Variants in TNS4 observed in about 807,000 individuals in gnomAD.
TNS4 encodes tensin 4.
A neutral mutation model predicts 70.4 loss-of-function variants in TNS4; 46 were observed. That is an observed-to-expected ratio of 0.65 (90% CI 0.52 to 0.84). TNS4 has a LOEUF of 0.84. Ranked by LOEUF, TNS4 falls within the 40% of genes least tolerant of loss-of-function variation. The probability of loss-of-function intolerance (pLI) is 0.00; values close to 1 mark genes in which losing one functional copy is unlikely to be tolerated. For missense variants in TNS4, 863 were observed against 907.0 expected (o/e 0.95, Z 0.62); for synonymous variants, 390 against 366.6 (o/e 1.06, Z -0.73).
At position 40,496,334 on chromosome 17, in the gene TNS4, G is replaced by T. The variant is rs774211285; in HGVS notation, c.92C>A (p.Ala31Glu). Residue 31 changes from alanine (A) to glutamate (E), a missense_variant, in exon 2 of 13, where the codon GCA becomes GAA. Coordinates refer to ENST00000254051, the MANE Select transcript of TNS4 (RefSeq NM_032865.6). ...CDEPRRTLHPAPSPSLPPQCS... is the reference protein window; with the variant it reads ...CDEPRRTLHPEPSPSLPPQCS... Reference sequence around the variant, plus strand: ...CTGGGGTGGCAGGCTGGGGCTGGGTGCTGGGTGCAGGGTCCTCCTGGGCTC... The same window carrying T: ...CTGGGGTGGCAGGCTGGGGCTGGGTTCTGGGTGCAGGGTCCTCCTGGGCTC... 3 of 1,613,612 alleles carry T rather than the reference G, an allele frequency of 1.9e-6. No homozygotes were observed. The highest frequency in any genetic ancestry group is 8.5e-7 in the Non-Finnish European group (1 of 1,179,886).
At chr17:40,486,378 C>T (rs989077530) in intron 4 of TNS4, among the ~76,000 whole-genome samples, 2 of 152,144 alleles carry the variant, frequency 1.3e-5, no homozygotes, top group South Asian at 4.2e-4. Flanking sequence ...TGGTTCTGTC[C>T]TCTCTCCTCC....
chr17:40,490,990 TG>T (rs1245315536), intron 2 of TNS4, among the ~76,000 whole-genome samples: 1 of 152,026 alleles, frequency 6.6e-6, no homozygotes, highest in Non-Finnish European at 1.5e-5. Flanking sequence ...CTGGCTAAGG[TG>T]GGGATCTCTC....
rs2035999057 is a variant in TNS4 at position 40,487,106 on chromosome 17, G to A, written c.1218C>T (p.Ser406=). The A allele has an allele frequency of 6.2e-7, 1 of 1,614,116 alleles. No homozygotes were observed. Among genetic ancestry groups the A allele is most frequent in the Admixed American group, 1.7e-5 (1 of 60,010 alleles). The change falls in exon 4 of 13, where the codon AGC becomes AGT. Residue 406 remains serine, a synonymous_variant. Transcript: ENST00000254051. Reference sequence around the variant, plus strand: ...TGCTCCTGGTGGCTGGACAGGGGTTGCTGGGAGAAGCAGCTCCAGGTTGAA... The same window carrying A: ...TGCTCCTGGTGGCTGGACAGGGGTTACTGGGAGAAGCAGCTCCAGGTTGAA... ...NSVQPGAASP[S]NPCPATRSNS... is the part of the protein sequence containing the mutation.
intron 6 of TNS4, 90 bp downstream of exon 6, chr17:40,484,394 C>T: frequency 6.4e-7 from 1 of 1,551,270 alleles, no homozygotes. Context: ...GCCATGTCAC[C>T]CTGAAAGCTA....
rs1262354739 is a variant in TNS4 at position 40,475,947 on chromosome 17, C to G, written c.*1641G>C. ...GCCTGTGACCTTGAGAACCTCATCT[C>G]ACATTCTGCAGACTTTGGCGGCGGG... On this transcript the variant is annotated 3_prime_UTR_variant, in exon 13 of 13. Coordinates refer to ENST00000254051, the MANE Select transcript of TNS4 (RefSeq NM_032865.6). 6.6e-6 allele frequency: 1 copy of G among 152,316 alleles called. No homozygotes were observed. The allele number at this position is 152,316 out of a possible 1,614,324, so 9.4% of individuals were successfully genotyped here. A position where few individuals can be genotyped will look rare whatever the true frequency, so the allele number is the denominator to read the frequency against.
intron 8 of TNS4, 79 bp downstream of exon 8, chr17:40,482,050 A>G: frequency 1.3e-6 from 2 of 1,501,326 alleles, no homozygotes; most frequent in Admixed American, 1.8e-5. Flanking sequence ...TCCACCAACA[A>G]GGTAGGAGTG....
intron 1 of TNS4, 105 bp from the exon 2 acceptor site, chr17:40,496,625 T>G: frequency 1.7e-6 from 1 of 592,968 alleles, no homozygotes; most frequent in Non-Finnish European, 2.8e-6. Flanking sequence ...AAAGCATGGA[T>G]GCTGGAGCCA....
At position 40,492,185 on chromosome 17, in the gene TNS4, T is replaced by C. The variant is rs531641275; in HGVS notation, c.440-3216A>G. On this transcript the variant is annotated intron_variant, in intron 2 of 12. Coordinates refer to ENST00000254051, the MANE Select transcript of TNS4 (RefSeq NM_032865.6). Reference sequence around the variant, plus strand: ...CCCCAGAGGGCAGAAGACTAGACTTTAGAAAGAGAGAAAGGACAGTGGCCT... The same window carrying C: ...CCCCAGAGGGCAGAAGACTAGACTTCAGAAAGAGAGAAAGGACAGTGGCCT... Among the ~76,000 whole-genome samples, 73 of 152,202 alleles carry C rather than the reference T, an allele frequency of 4.8e-4. 2 individuals are homozygous for C. In the South Asian group the frequency reaches 0.015, roughly 32 times the overall value.
Position 40,477,806 on chromosome 17 carries a change from G to A in TNS4, c.2007-77C>T, listed in dbSNP as rs1597686043. On this transcript the variant is annotated intron_variant, in intron 12 of 12. Transcript: ENST00000254051. ...GCTGGTGGGAATGGGGTGGTGGGGG[G>A]CCCTCAGCCTGCATCTCATTCCTCC... The A allele has an allele frequency of 3.6e-6, 5 of 1,387,038 alleles. No individual in the cohort carries two copies. The South Asian group carries it at 3.7e-5, about 10-fold the overall frequency. 85.9% of individuals were successfully genotyped at this position (1,387,038 alleles called of 1,614,324 possible).
At chr17:40,477,834 G>T (rs908860615) in intron 12 of TNS4, 105 bp from the exon 13 acceptor site, 2 of 1,110,292 alleles carry the variant, frequency 1.8e-6, no homozygotes, top group Non-Finnish European at 2.7e-6. Context: ...ATTCCTCCCT[G>T]CCCCTCCCTT....
intron 1 of TNS4, among the ~76,000 whole-genome samples, chr17:40,497,229 C>T (rs554026538): frequency 6.6e-5 from 10 of 152,068 alleles, no homozygotes; most frequent in South Asian, 2.1e-4. Flanking sequence ...GGAAGGGACA[C>T]GCAAAGGGAG....
chr17:40,486,954 T>C (rs1488178550), intron 4 of TNS4, 82 bp downstream of exon 4: 3 of 1,534,372 alleles, frequency 2.0e-6, no homozygotes, highest in South Asian at 1.2e-5. Context: ...ATAAATGTGT[T>C]GACTGGCTGT....
chr17:40,482,531 G>A (rs2035937903), intron 6 of TNS4, 115 bp from the exon 7 acceptor site: 1 of 889,320 alleles, frequency 1.1e-6, no homozygotes, highest in Admixed American at 2.1e-5. Flanking sequence ...ATCACTTGAG[G>A]TCAGGAGTTC....
intron 4 of TNS4, among the ~76,000 whole-genome samples, chr17:40,486,416 A>T (rs1252504391): frequency 2.6e-5 from 4 of 151,546 alleles, no homozygotes; most frequent in Non-Finnish European, 5.9e-5. Flanking sequence ...CCGGTTCAGG[A>T]CCCTGCTATC....
At chr17:40,482,070 T>C (rs370822072) in intron 8 of TNS4, 59 bp downstream of exon 8, 84 of 1,586,882 alleles carry the variant, frequency 5.3e-5, no homozygotes, top group Non-Finnish European at 6.9e-5. Context: ...GAACCCCATT[T>C]CTAATGAGAA....
rs374820282 is a variant in TNS4, at chr17:40,484,564, C to T, written c.1421G>A (p.Arg474Lys). 3 of 1,612,964 alleles carry T rather than the reference C, an allele frequency of 1.9e-6. No individual in the cohort carries two copies. The highest frequency in any genetic ancestry group is 1.7e-6 in the Non-Finnish European group (2 of 1,180,012). The change falls in exon 6 of 13, where the codon AGG (arginine) becomes AAG (lysine). Residue 474 changes from arginine (R) to lysine (K), a missense_variant. Physicochemically the swap from Arg to Lys is conservative, Grantham distance 26. Coordinates refer to ENST00000254051, the MANE Select transcript of TNS4 (RefSeq NM_032865.6). ...GGAGCCTCGGTATGAAGAGCTGTCC[C>T]TTATGACAAAAGCCCCTGGCTCCTC... ...RKEEPGAFVI[R>K]DSSSYRGSFG...
At chr17:40,498,300 TC>T (rs1446974401) in intron 1 of TNS4, among the ~76,000 whole-genome samples, 1 of 152,206 alleles carries the variant, frequency 6.6e-6, no homozygotes, top group Non-Finnish European at 1.5e-5. Flanking sequence ...ACCCTGAGTT[TC>T]CTCATCTGTG....
rs2035929080 is a variant in TNS4 at position 40,482,143 on chromosome 17, G to A, written c.1658C>T (p.Thr553Ile). 2 of 1,614,208 alleles carry A rather than the reference G, an allele frequency of 1.2e-6. No individual in the cohort carries two copies. The highest frequency in any genetic ancestry group is 1.7e-6 in the Non-Finnish European group (2 of 1,180,034). ...CCCAGACCCACCTCTCTGTGGGATG[G>A]TGAGTTTGCAGGGCAGGGCCAGGGC... is the stretch of plus-strand genomic sequence containing the variant. ...IMALALPCKL[T>I]IPQRELGGAD... Residue 553 changes from threonine (T) to isoleucine (I), a missense_variant, in exon 8 of 13, where the codon ACC becomes ATC. Transcript: ENST00000254051.
chr17:40,484,110 A>G (rs765812958), intron 6 of TNS4, among the ~76,000 whole-genome samples: 12 of 152,172 alleles, frequency 7.9e-5, no homozygotes, highest in Non-Finnish European at 1.6e-4. Context: ...GTAAGCTATC[A>G]CCTGTGAGAT....
Sources: allele counts gnomAD v4.1 joint callset (sites outside exome capture counted in the v4.1 genomes callset), GRCh38; gene constraint gnomAD v4.1.1; transcripts MANE v1.5; gene names NCBI Gene and HGNC (gene_info 2026-07-23, HGNC 2026-07-21).